Variants in ASB4 observed in about 807,000 individuals in gnomAD.
ASB4 encodes the protein ankyrin repeat and SOCS box containing 4.
Under a neutral mutation model 38.6 loss-of-function variants are expected in ASB4, and 35 were observed. That is an observed-to-expected ratio of 0.91 (90% CI 0.69 to 1.20). The LOEUF (loss-of-function observed/expected upper bound fraction) is 1.20. ASB4 is among the 50% of genes most tolerant of loss of function. ASB4 has a pLI of 0.00. For missense variants in ASB4, 557 were observed against 527.2 expected, an observed-to-expected ratio of 1.06 and a Z score of -0.55; for synonymous variants, 195 against 201.3, an observed-to-expected ratio of 0.97 and a Z score of 0.26.
chr7:95,544,211 G>C (rs1562826016), downstream of ASB4: 1 of 152,072 alleles, frequency 6.6e-6, no homozygotes, highest in South Asian at 2.1e-4. Flanking sequence ...GTTTCTTCCA[G>C]GGCATCAGAA....
At chr7:95,530,479 A>G (rs75519228) in intron 3 of ASB4, among the ~76,000 whole-genome samples, 9,820 of 152,158 alleles carry the variant, frequency 0.065, 394 homozygotes, top group African/African-American at 0.1. Context: ...AGAAAAAATA[A>G]GGATGTGGAG....
intron 3 of ASB4, 121 bp downstream of exon 3, chr7:95,528,424 C>CT: frequency 1.3e-6 from 2 of 1,528,720 alleles, no homozygotes; most frequent in Non-Finnish European, 1.8e-6. Context: ...CTCTGATCCT[C>CT]TTTGACCTTC....
At chr7:95,528,357 G>C in intron 3 of ASB4, 54 bp downstream of exon 3, 1 of 1,609,176 alleles carries the variant, frequency 6.2e-7, no homozygotes, top group African/African-American at 1.3e-5. Flanking sequence ...TGGCAGCCTT[G>C]TCTGAAATCT....
At chr7:95,500,568 C>CAAAAAAAAAAA (rs771099175) in intron 2 of ASB4, among the ~76,000 whole-genome samples, 1 of 41,000 alleles carries the variant, frequency 2.4e-5, no homozygotes, top group African/African-American at 9.6e-5. Context: ...AGATCTGTCT[C>CAAAAAAAAAAA]AAAAAAAAAA....
chr7:95,531,593 A>G (rs997418565), intron 3 of ASB4, among the ~76,000 whole-genome samples: 2 of 152,202 alleles, frequency 1.3e-5, no homozygotes, highest in Admixed American at 1.3e-4. Context: ...GACTATTACT[A>G]TTCTTAAACA....
chr7:95,515,316 T>TCTTTCTTTCTTCCTTC lies in ASB4; in HGVS notation c.488-12494_488-12493insTCTTTCTTCCTTCCTT, dbSNP rs1420581416. 1.6e-3 allele frequency among the ~76,000 whole-genome samples: 157 copies of TCTTTCTTTCTTCCTTC among 95,796 alleles called. 3 individuals are homozygous for TCTTTCTTTCTTCCTTC. The highest frequency in any genetic ancestry group is 2.5e-3 in the East Asian group (8 of 3,220). 62.8% of individuals were successfully genotyped at this position (95,796 alleles called of 152,430 possible). A position where few individuals can be genotyped will look rare whatever the true frequency, so the allele number is the denominator to read the frequency against. On this transcript the variant is annotated intron_variant, in intron 2 of 4. Coordinates refer to ENST00000325885, the MANE Select transcript of ASB4 (RefSeq NM_016116.3). Reference sequence around the variant, plus strand: ...TTCTTTCTTTCTTTCTTTCTTTCTTTCTTCCTTCCTTCCTTCCTTTCTTTC... The same window carrying TCTTTCTTTCTTCCTTC: ...TTCTTTCTTTCTTTCTTTCTTTCTTTCTTTCTTTCTTCCTTCCTTCCTTCCTTCCTTCCTTTCTTTC...
chr7:95,509,079 T>C (rs1374274616), intron 2 of ASB4, among the ~76,000 whole-genome samples: 1 of 152,146 alleles, frequency 6.6e-6, no homozygotes, highest in Admixed American at 6.5e-5. Context: ...GGGTCATTCA[T>C]GTGGTATTAA....
At chr7:95,491,402 G>T (rs1312174930) in intron 1 of ASB4, among the ~76,000 whole-genome samples, 1 of 152,176 alleles carries the variant, frequency 6.6e-6, no homozygotes, top group African/African-American at 2.4e-5. Context: ...TAGCTCCCAT[G>T]GGCTTGGTTC....
chr7:95,491,711 C>A (rs1333257359), intron 1 of ASB4, among the ~76,000 whole-genome samples: 3 of 152,168 alleles, frequency 2.0e-5, no homozygotes, highest in Admixed American at 6.5e-5. Context: ...TGTGAATAGG[C>A]ACAGCCTCAT....
chr7:95,507,949 G>A (rs954674846), intron 2 of ASB4, among the ~76,000 whole-genome samples: 1 of 152,158 alleles, frequency 6.6e-6, no homozygotes, highest in Non-Finnish European at 1.5e-5. Flanking sequence ...GTCAGAGTGG[G>A]GGGGATTGAG....
At chr7:95,496,154 T>C in intron 2 of ASB4, 97 bp downstream of exon 2, 1 of 1,198,074 alleles carries the variant, frequency 8.3e-7, no homozygotes, top group Non-Finnish European at 1.2e-6. Context: ...GTAGTAAGCA[T>C]AAAGATGCAA....
At chr7:95,484,626 A>G (rs937029223), upstream of ASB4, among the ~76,000 whole-genome samples, 2 of 152,206 alleles carry the variant, frequency 1.3e-5, no homozygotes, top group African/African-American at 4.8e-5. Context: ...TAAGAATCAA[A>G]TAGTATCATT....
chr7:95,513,464 C>T (rs186495673), intron 2 of ASB4, among the ~76,000 whole-genome samples: 1 of 151,960 alleles, frequency 6.6e-6, no homozygotes, highest in East Asian at 1.9e-4. Context: ...TGCCAGAGCC[C>T]TTCCTTGCTT....
downstream of ASB4, chr7:95,542,093 A>C (rs1349987272): frequency 6.6e-6 from 1 of 152,072 alleles, no homozygotes; most frequent in African/African-American, 2.4e-5. Flanking sequence ...ACAAAAAAAA[A>C]ACCCAAAAAC....
intron 3 of ASB4, among the ~76,000 whole-genome samples, chr7:95,530,634 C>T (rs752539959): frequency 4.0e-5 from 6 of 151,838 alleles, no homozygotes; most frequent in Non-Finnish European, 5.9e-5. Context: ...GTGGAGTGAG[C>T]AAGGGGAAGA....
At chr7:95,533,415 A>AG (rs1156854389) in intron 3 of ASB4, among the ~76,000 whole-genome samples, 6 of 152,222 alleles carry the variant, frequency 3.9e-5, no homozygotes, top group Non-Finnish European at 8.8e-5. Flanking sequence ...AGATGAGGAC[A>AG]GGGCAGCCCT....
intron 2 of ASB4, among the ~76,000 whole-genome samples, chr7:95,522,308 G>T (rs1790674436): frequency 6.6e-6 from 1 of 152,022 alleles, no homozygotes; most frequent in Non-Finnish European, 1.5e-5. Context: ...CATTCATGAT[G>T]GCAATGATGC....
intron 2 of ASB4, among the ~76,000 whole-genome samples, chr7:95,496,705 G>T (rs185111999): frequency 6.6e-6 from 1 of 151,922 alleles, no homozygotes; most frequent in Non-Finnish European, 1.5e-5. Flanking sequence ...AAAATTAGCC[G>T]GGCATGGTGG....
downstream of ASB4, among the ~76,000 whole-genome samples, chr7:95,540,522 T>C (rs548411252): frequency 5.6e-4 from 85 of 152,320 alleles, 1 homozygote; most frequent in African/African-American, 2.0e-3. Flanking sequence ...ATCTCTGTCC[T>C]CCTGGGGTTT....
Sources: allele counts gnomAD v4.1 joint callset (sites outside exome capture counted in the v4.1 genomes callset), GRCh38; gene constraint gnomAD v4.1.1; transcripts MANE v1.5; gene names NCBI Gene and HGNC (gene_info 2026-07-23, HGNC 2026-07-21).